Variants in STK4 observed in about 807,000 individuals in gnomAD.
The protein encoded by STK4 is serine/threonine kinase 4.
Under a neutral mutation model 64.9 loss-of-function variants are expected in STK4, and 30 were observed. The ratio of observed to expected loss-of-function variants is 0.46; its 90% CI spans 0.35 to 0.63. STK4 has a LOEUF of 0.63. STK4 is among the 20% of genes least tolerant of loss of function. The pLI is 0.01. For synonymous variants in STK4, 177 were observed against 199.0 expected, an observed-to-expected ratio of 0.89 and a Z score of 0.93; for missense variants, 466 against 598.5, an observed-to-expected ratio of 0.78 and a Z score of 2.31.
chr20:45,035,723 C>T (rs890501700), intron 10 of STK4, among the ~76,000 whole-genome samples: 4 of 152,158 alleles, frequency 2.6e-5, no homozygotes, highest in African/African-American at 9.7e-5. Context: ...AGAGTTAGCA[C>T]ACCATTTCAA....
At chr20:45,058,093 A>C (rs6103988) in intron 10 of STK4, among the ~76,000 whole-genome samples, 10,170 of 150,256 alleles carry the variant, frequency 0.068, 1,122 homozygotes, top group African/African-American at 0.23. Flanking sequence ...ACACACCCCT[A>C]CCCCTATCTA....
intron 10 of STK4, among the ~76,000 whole-genome samples, chr20:45,040,778 A>G (rs2068601050): frequency 6.6e-6 from 1 of 152,014 alleles, no homozygotes; most frequent in Non-Finnish European, 1.5e-5. Context: ...TGTGTTTATT[A>G]CAAACTCATG....
chr20:45,050,611 T>C (rs1254206128), intron 10 of STK4, among the ~76,000 whole-genome samples: 1 of 152,158 alleles, frequency 6.6e-6, no homozygotes, highest in African/African-American at 2.4e-5. Context: ...TCCATGGAAT[T>C]CTTATTTTCT....
intron 4 of STK4, among the ~76,000 whole-genome samples, chr20:44,986,382 T>A (rs1601204472): frequency 6.6e-6 from 1 of 152,098 alleles, no homozygotes; most frequent in Non-Finnish European, 1.5e-5. Flanking sequence ...GGGAGTGTGC[T>A]TAGAGTGTTT....
intron 9 of STK4, among the ~76,000 whole-genome samples, chr20:45,004,067 G>C (rs1053046235): frequency 7.9e-5 from 12 of 151,888 alleles, no homozygotes; most frequent in Admixed American, 6.6e-4. Flanking sequence ...TCCGAGTGCA[G>C]TGGTGTTTAC....
At chr20:44,978,360 C>G in intron 2 of STK4, 83 bp from the exon 3 acceptor site, 1 of 1,498,578 alleles carries the variant, frequency 6.7e-7, no homozygotes, top group Non-Finnish European at 9.0e-7. Context: ...TATGTTAGAA[C>G]TATCAGTTGC....
At chr20:45,073,927 G>C (rs1980297682) in intron 10 of STK4, among the ~76,000 whole-genome samples, 1 of 152,236 alleles carries the variant, frequency 6.6e-6, no homozygotes, top group African/African-American at 2.4e-5. Context: ...AGACACTGCT[G>C]TCTGACTTCT....
At chr20:44,983,250 T>C (rs2067472678) in intron 4 of STK4, among the ~76,000 whole-genome samples, 1 of 152,174 alleles carries the variant, frequency 6.6e-6, no homozygotes, top group African/African-American at 2.4e-5. Flanking sequence ...CCAGGTATTA[T>C]AGGAAACCAT....
intron 9 of STK4, chr20:45,007,754 T>C (rs1335976619): frequency 4.9e-6 from 2 of 411,526 alleles, no homozygotes; most frequent in Non-Finnish European, 9.6e-6. Flanking sequence ...TGTTTATTCA[T>C]TTATTTATTT....
chr20:44,996,140 T>A (rs1458046271), intron 6 of STK4, among the ~76,000 whole-genome samples: 1 of 152,184 alleles, frequency 6.6e-6, no homozygotes, highest in Non-Finnish European at 1.5e-5. Context: ...GTTTTGAATT[T>A]GTAAGTTTTG....
intron 9 of STK4, among the ~76,000 whole-genome samples, chr20:45,010,057 A>G (rs2068017405): frequency 6.6e-6 from 1 of 151,834 alleles, no homozygotes; most frequent in Admixed American, 6.6e-5. Context: ...AGGACTTCCC[A>G]ATTATTTATT....
intron 1 of STK4, among the ~76,000 whole-genome samples, chr20:44,970,813 G>T (rs905101313): frequency 1.2e-4 from 19 of 152,164 alleles, no homozygotes; most frequent in African/African-American, 4.6e-4. Flanking sequence ...TACACTTGAT[G>T]TGGTCAGGGT....
At chr20:45,074,579 C>T (rs958606984) in intron 10 of STK4, among the ~76,000 whole-genome samples, 12 of 151,652 alleles carry the variant, frequency 7.9e-5, no homozygotes, top group African/African-American at 2.7e-4. Context: ...TCCATGGTGT[C>T]GTATCCTGAA....
chr20:44,984,223 C>A (rs1236548363), intron 4 of STK4, among the ~76,000 whole-genome samples: 1 of 112,698 alleles, frequency 8.9e-6, no homozygotes, highest in Admixed American at 1.1e-4. Flanking sequence ...ACAGAGTCTC[C>A]TTGCTCTGTT....
intron 7 of STK4, among the ~76,000 whole-genome samples, chr20:44,997,724 C>T (rs1327888505): frequency 6.6e-6 from 1 of 152,160 alleles, no homozygotes; most frequent in Non-Finnish European, 1.5e-5. Context: ...AAGTTTAAGA[C>T]ATTCTCTACC....
chr20:44,994,657 A>G (rs2067694689), intron 5 of STK4, among the ~76,000 whole-genome samples: 1 of 152,160 alleles, frequency 6.6e-6, no homozygotes, highest in South Asian at 2.1e-4. Context: ...AACATAAGAT[A>G]GATTTCAAGA....
intron 5 of STK4, among the ~76,000 whole-genome samples, chr20:44,991,167 C>T (rs1473444315): frequency 6.6e-6 from 1 of 152,122 alleles, no homozygotes; most frequent in Non-Finnish European, 1.5e-5. Flanking sequence ...TTACCCAAGA[C>T]TCTGTAATAT....
chr20:44,994,013 A>G (rs1416679725), intron 5 of STK4, among the ~76,000 whole-genome samples: 2 of 151,940 alleles, frequency 1.3e-5, no homozygotes, highest in African/African-American at 2.4e-5. Context: ...TTGCTAAAGC[A>G]TAGGAACTGT....
rs1259228852 is a variant in STK4 at position 44,995,015 on chromosome 20, TTC to T, written c.526-71_526-70del. On this transcript the variant is annotated intron_variant, in intron 5 of 10. Transcript: ENST00000372806. ...TAGTTTTTTTTTTTTTCTTCTTTTT[TTC>T]TCTGTAGACTTCCTCTGTGGACATC... 4 of 1,246,574 alleles carry T rather than the reference TTC, an allele frequency of 3.2e-6. No homozygotes were observed. The African/African-American group carries it at 4.6e-5, about 14-fold the overall frequency. The allele number at this position is 1,246,574 out of a possible 1,614,324, so 77.2% of individuals were successfully genotyped here.
Sources: allele counts gnomAD v4.1 joint callset (sites outside exome capture counted in the v4.1 genomes callset), GRCh38; gene constraint gnomAD v4.1.1; transcripts MANE v1.5; gene names NCBI Gene and HGNC (gene_info 2026-07-23, HGNC 2026-07-21).